The following ITGA11 variants were observed in gnomAD, a reference collection of about 807,000 sequenced individuals.
ITGA11 encodes the protein integrin subunit alpha 11, also known as integrin alpha-11.
Under a neutral mutation model 141.9 loss-of-function variants are expected in ITGA11, and 97 were observed. The observed-to-expected ratio is 0.68, with a 90% confidence interval of 0.58 to 0.81. The LOEUF is 0.81. ITGA11 is among the 30% of genes least tolerant of loss of function. The pLI, the probability that ITGA11 is intolerant of heterozygous loss-of-function variation, is 0.00. For missense variants in ITGA11, 1,387 were observed against 1,559.2 expected (o/e 0.89, Z 1.86); for synonymous variants, 658 against 624.6 (o/e 1.05, Z -0.80).
At chr15:68,426,746 C>T (rs564553664) in intron 1 of ITGA11, among the ~76,000 whole-genome samples, 1 of 152,140 alleles carries the variant, frequency 6.6e-6, no homozygotes, top group South Asian at 2.1e-4. Flanking sequence ...GGATTAAAAG[C>T]AGTGGCCCTT....
At position 68,350,738 on chromosome 15, in the gene ITGA11, A is replaced by G. The variant is rs1228551313; in HGVS notation, c.939T>C (p.Phe313=). 2 of 1,613,888 alleles carry G rather than the reference A, an allele frequency of 1.2e-6. No individual in the cohort carries two copies. Among genetic ancestry groups the G allele is most frequent in the South Asian group, 1.1e-5 (1 of 91,066 alleles). The part of the protein sequence containing the change: ...YNRRGINPET[F]LNEIKYIASD... ...TGGCGATGTATTTGATTTCATTTAG[A>G]AAAGTTTCTGGATTGATCCCCCTGC... The change falls in exon 9 of 30, where the codon TTT becomes TTC. Residue 313 remains phenylalanine, a synonymous_variant. Transcript: ENST00000315757.
chr15:68,339,780 C>T, intron 10 of ITGA11, 136 bp from the exon 11 acceptor site: 2 of 928,640 alleles, frequency 2.2e-6, no homozygotes, highest in Non-Finnish European at 3.2e-6. Context: ...ATTTAGCAAC[C>T]TAACTTCTGG....
chr15:68,303,623 GC>G lies in ITGA11; in HGVS notation c.3495+148del. On this transcript the variant is annotated intron_variant, in intron 29 of 29. Coordinates refer to ENST00000315757, the MANE Select transcript of ITGA11 (RefSeq NM_001004439.2). The surrounding 1 kb of genome is among the most constrained non-coding windows in gnomAD (Gnocchi z 5.3). ...GCCATAGTCTGAGTGCCGTCTGTTGGCCCTAACCAGTGTGTCTGCTATGGCG... is the reference window on the plus strand; with the variant it reads ...GCCATAGTCTGAGTGCCGTCTGTTGGCCTAACCAGTGTGTCTGCTATGGCG... 1 of 583,088 alleles carries G rather than the reference GC, an allele frequency of 1.7e-6. No homozygotes were observed. 36.1% of individuals were successfully genotyped at this position (583,088 alleles called of 1,614,324 possible). A position where few individuals can be genotyped will look rare whatever the true frequency, so the allele number is the denominator to read the frequency against.
chr15:68,320,317 G>T lies in ITGA11; in HGVS notation c.2484C>A (p.Val828=). 1 of 1,613,870 alleles carries T rather than the reference G, an allele frequency of 6.2e-7. No homozygotes were observed. Among genetic ancestry groups the T allele is most frequent in the Non-Finnish European group, 8.5e-7 (1 of 1,179,814 alleles). ...SAYTLSFDTT[V]FIIESTRQRV... is the part of the protein sequence containing the mutation. ...GCTGGCGTGTGCTCTCTATGATGAA[G>T]ACTGTGGTGTCGAAGGACAGCGTGT... The change falls in exon 20 of 30, where the codon GTC becomes GTA. Residue 828 remains valine, a synonymous_variant. Transcript: ENST00000315757.
At chr15:68,336,772 T>A (rs867241309) in intron 11 of ITGA11, among the ~76,000 whole-genome samples, 21 of 152,162 alleles carry the variant, frequency 1.4e-4, no homozygotes, top group Admixed American at 2.6e-4. Context: ...TGCACGTGTG[T>A]GAGTGTGTGT....
chr15:68,377,839 T>C (rs1045069395), intron 2 of ITGA11, among the ~76,000 whole-genome samples: 20 of 152,208 alleles, frequency 1.3e-4, no homozygotes, highest in Non-Finnish European at 2.6e-4. Context: ...TCTCTAGCTG[T>C]GCCCCTTCCT....
chr15:68,361,748 G>T, intron 4 of ITGA11, 44 bp from the exon 5 acceptor site: 2 of 1,366,718 alleles, frequency 1.5e-6, no homozygotes, highest in East Asian at 2.5e-5. Context: ...GGGGACCTCA[G>T]AGAGGATCGA....
At chr15:68,377,752 T>G (rs75698896) in intron 2 of ITGA11, among the ~76,000 whole-genome samples, 1 of 152,212 alleles carries the variant, frequency 6.6e-6, no homozygotes, top group East Asian at 1.9e-4. Context: ...TGTGGACATA[T>G]TTCTGTGTTA....
chr15:68,418,468 C>G (rs1056449920), intron 1 of ITGA11, among the ~76,000 whole-genome samples: 1 of 152,086 alleles, frequency 6.6e-6, no homozygotes, highest in African/African-American at 2.4e-5. Context: ...CCCTCAGTTG[C>G]CTTATCTGTG....
intron 1 of ITGA11, among the ~76,000 whole-genome samples, chr15:68,427,086 T>A: frequency 6.9e-6 from 1 of 144,376 alleles, no homozygotes; most frequent in African/African-American, 2.5e-5. Flanking sequence ...TGCCTCTTAC[T>A]CTATCGACAT....
At position 68,426,980 on chromosome 15, in the gene ITGA11, A is replaced by C. The variant is rs532510619; in HGVS notation, c.52+5035T>G. On this transcript the variant is annotated intron_variant, in intron 1 of 29. Coordinates refer to ENST00000315757, the MANE Select transcript of ITGA11 (RefSeq NM_001004439.2). ...CAATGAGCCGAGATCATGCCACTGC[A>C]CTCCAGCCTGGGCGACAGAGCAAGA... Among the ~76,000 whole-genome samples, 11 of 126,678 alleles carry C rather than the reference A, an allele frequency of 8.7e-5. No individual in the cohort carries two copies. In the South Asian group the frequency reaches 3.1e-3, roughly 35 times the overall value. 83.1% of individuals were successfully genotyped at this position (126,678 alleles called of 152,430 possible).
At chr15:68,415,584 G>A (rs567957505) in intron 1 of ITGA11, among the ~76,000 whole-genome samples, 1 of 152,204 alleles carries the variant, frequency 6.6e-6, no homozygotes, top group Non-Finnish European at 1.5e-5. Context: ...CTTCCGGCAG[G>A]GAGTGGCTCT....
rs772210648 is a variant in ITGA11, at chr15:68,298,187, A to G, written c.*4872T>C. 1.4e-4 allele frequency: 21 copies of G among 152,332 alleles called. No homozygotes were observed. In the Middle Eastern group the frequency reaches 0.01, roughly 74 times the overall value. The allele number at this position is 152,332 out of a possible 1,614,324, so 9.4% of individuals were successfully genotyped here. On this transcript the variant is annotated 3_prime_UTR_variant, in exon 30 of 30. Transcript: ENST00000315757. Reference sequence around the variant, plus strand: ...TTGACCTAGAAAATTTCAGTATGAGAGAGGCAAATTTTAGGTGGTTCACAA... The same window carrying G: ...TTGACCTAGAAAATTTCAGTATGAGGGAGGCAAATTTTAGGTGGTTCACAA...
chr15:68,370,053 C>T (rs1458126181), intron 2 of ITGA11, among the ~76,000 whole-genome samples: 1 of 152,056 alleles, frequency 6.6e-6, no homozygotes, highest in Non-Finnish European at 1.5e-5. Flanking sequence ...AAGGAGCGCC[C>T]GGGACCACCA....
Position 68,328,200 on chromosome 15 carries a change from A to T in ITGA11, c.1964T>A (p.Phe655Tyr). The T allele has an allele frequency of 6.2e-7, 1 of 1,613,892 alleles. No individual in the cohort carries two copies. Among genetic ancestry groups the T allele is most frequent in the Non-Finnish European group, 8.5e-7 (1 of 1,179,878 alleles). Reference sequence around the variant, plus strand: ...GCCACTGCGCTTGCAGTCTCTGTGGAAGATGTTGATCTTGGATGGCTCAAA... The same window carrying T: ...GCCACTGCGCTTGCAGTCTCTGTGGTAGATGTTGATCTTGGATGGCTCAAA... Reference protein sequence around the residue: ...LHFEPSKINIFHRDCKRSGRD... With the variant: ...LHFEPSKINIYHRDCKRSGRD... The change falls in exon 16 of 30, where the codon TTC becomes TAC. Residue 655 changes from phenylalanine to tyrosine, a missense_variant. Coordinates refer to ENST00000315757, the MANE Select transcript of ITGA11 (RefSeq NM_001004439.2). The surrounding 1 kb of genome is among the most constrained non-coding windows in gnomAD (Gnocchi z 4.8).
chr15:68,314,957 C>T (rs1422811085), intron 22 of ITGA11, among the ~76,000 whole-genome samples: 2 of 152,116 alleles, frequency 1.3e-5, no homozygotes, highest in South Asian at 2.1e-4. Context: ...TCTGTCCTTC[C>T]CCACACAGAG....
chr15:68,350,554 T>C, intron 9 of ITGA11, 63 bp downstream of exon 9: 1 of 1,505,720 alleles, frequency 6.6e-7, no homozygotes, highest in Non-Finnish European at 9.0e-7. Context: ...GTTTGTGCTC[T>C]ACGGGGTTTA....
chr15:68,346,952 G>C (rs573918892), intron 10 of ITGA11, among the ~76,000 whole-genome samples: 36 of 152,274 alleles, frequency 2.4e-4, no homozygotes, highest in African/African-American at 8.4e-4. Context: ...TACCTAGAAG[G>C]CATCTATAGT....
At chr15:68,416,208 C>A (rs978242068) in intron 1 of ITGA11, among the ~76,000 whole-genome samples, 1 of 152,218 alleles carries the variant, frequency 6.6e-6, no homozygotes, top group Admixed American at 6.5e-5. Flanking sequence ...CCTCAGCCAT[C>A]AAAAGCATTT....
Sources: allele counts gnomAD v4.1 joint callset (sites outside exome capture counted in the v4.1 genomes callset), GRCh38; gene constraint gnomAD v4.1.1; non-coding constraint Gnocchi (gnomAD v3.1); transcripts MANE v1.5; gene names NCBI Gene and HGNC (gene_info 2026-07-23, HGNC 2026-07-21).